The following GPHN variants were observed in gnomAD, a reference collection of about 807,000 sequenced individuals.
GPHN encodes gephyrin.
A neutral mutation model predicts 95.5 loss-of-function variants in GPHN; 17 were observed. That is an observed-to-expected ratio of 0.18 (90% CI 0.12 to 0.27). The LOEUF is 0.27. Ranked by LOEUF, GPHN falls within the 10% of genes least tolerant of loss-of-function variation. The pLI, the probability that GPHN is intolerant of heterozygous loss-of-function variation, is 1.00. For synonymous variants in GPHN, 320 were observed against 322.5 expected (o/e 0.99, Z 0.08); for missense variants, 660 against 978.1 (o/e 0.67, Z 4.34).
chr14:66,525,338 G>T (rs907960890), intron 1 of GPHN, among the ~76,000 whole-genome samples: 2 of 151,760 alleles, frequency 1.3e-5, no homozygotes. Flanking sequence ...CTTTTTGGTG[G>T]GGTTGTTTTT....
intron 4 of GPHN, among the ~76,000 whole-genome samples, chr14:66,853,264 AGTAAAGCACAT>A (rs1567021832): frequency 6.6e-6 from 1 of 152,236 alleles, no homozygotes; most frequent in Non-Finnish European, 1.5e-5. Flanking sequence ...TGTAACACTG[AGTAAAGCACAT>A]CTGCATTTTT....
chr14:67,220,169 C>T, the GPHN span, among the ~76,000 whole-genome samples: 3 of 152,192 alleles, frequency 2.0e-5, no homozygotes, highest in East Asian at 1.9e-4. Context: ...CGTGCAACGG[C>T]TCATGCCTGT....
chr14:67,645,689 C>A, the GPHN span: 5 of 1,614,048 alleles, frequency 3.1e-6, no homozygotes, highest in Non-Finnish European at 3.4e-6. Context: ...CTGCCCAGAC[C>A]TTTGTGTTGT....
intron 8 of GPHN, among the ~76,000 whole-genome samples, chr14:66,930,889 C>T (rs1203760515): frequency 6.6e-6 from 1 of 152,130 alleles, no homozygotes; most frequent in African/African-American, 2.4e-5. Context: ...ATTTATACAT[C>T]ACACTTAACA....
chr14:67,140,259 C>T (rs2080371177), intron 17 of GPHN, among the ~76,000 whole-genome samples: 2 of 152,000 alleles, frequency 1.3e-5, no homozygotes, highest in Admixed American at 1.3e-4. Context: ...TGGCAGGCAC[C>T]TGTAATCCCA....
the GPHN span, among the ~76,000 whole-genome samples, chr14:67,689,665 C>G: frequency 3.0e-4 from 46 of 152,240 alleles, 1 homozygote; most frequent in African/African-American, 1.1e-3. Flanking sequence ...AAGTAATGGC[C>G]AGGTGCGGTG....
In GPHN at chr14:66,781,624, A is replaced by G. The variant is rs189207312; in HGVS notation, c.201+5103A>G. Among the ~76,000 whole-genome samples, 60 of 152,320 alleles carry G rather than the reference A, an allele frequency of 3.9e-4. 1 individual carries two copies. Among genetic ancestry groups the G allele is most frequent in the East Asian group, 3.9e-3 (20 of 5,188 alleles). ...TTCATGTTTGCTCTCTTTGAACTTC[A>G]TATGAATTAAATCATATTGTATGCA... is the stretch of plus-strand genomic sequence containing the variant. On this transcript the variant is annotated intron_variant, in intron 3 of 22. Coordinates refer to ENST00000478722, the MANE Select transcript of GPHN (RefSeq NM_020806.5).
At chr14:66,876,424 A>G (rs1431907140) in intron 4 of GPHN, among the ~76,000 whole-genome samples, 1 of 152,012 alleles carries the variant, frequency 6.6e-6, no homozygotes, top group African/African-American at 2.4e-5. Context: ...GGAGATAGAG[A>G]CACAAAAAAC....
chr14:66,776,558 G>A (rs761772693), intron 3 of GPHN, 37 bp downstream of exon 3: 3 of 1,194,346 alleles, frequency 2.5e-6, no homozygotes, highest in Admixed American at 1.7e-5. Flanking sequence ...CAAACATTTA[G>A]CATCTTGGTG....
rs1050562069 is a variant in GPHN at position 66,828,019 on chromosome 14, G to A, written c.294+3453G>A. Among the ~76,000 whole-genome samples the A allele has an allele frequency of 3.3e-5, 5 of 151,960 alleles. No homozygotes were observed. The East Asian group carries it at 7.7e-4, about 23-fold the overall frequency. On this transcript the variant is annotated intron_variant, in intron 4 of 22. Coordinates refer to ENST00000478722, the MANE Select transcript of GPHN (RefSeq NM_020806.5). ...CAGCTACATAGTTAAAATTATATTA[G>A]AGGTTTCTTAAATGGATTTAAAATA...
At chr14:67,393,764 T>C in the GPHN span, among the ~76,000 whole-genome samples, 2 of 152,122 alleles carry the variant, frequency 1.3e-5, no homozygotes, top group Admixed American at 6.6e-5. Context: ...TGATGATGGA[T>C]GTTTGACTCC....
At chr14:66,913,903 T>TA (rs2065791833) in intron 5 of GPHN, among the ~76,000 whole-genome samples, 1 of 152,200 alleles carries the variant, frequency 6.6e-6, no homozygotes, top group Non-Finnish European at 1.5e-5. Flanking sequence ...TAAAGCATTA[T>TA]ATAGAGGAGG....
Position 67,176,950 on chromosome 14 carries a change from G to A in GPHN, c.2080-2628G>A, listed in dbSNP as rs552720915. Reference sequence around the variant, plus strand: ...CCCTTTATCATTTTTTATTGCATCTGTTTGATTCTTCTCTCTTTTCTTCTT... The same window carrying A: ...CCCTTTATCATTTTTTATTGCATCTATTTGATTCTTCTCTCTTTTCTTCTT... On this transcript the variant is annotated intron_variant, in intron 21 of 22. Coordinates refer to ENST00000478722, the MANE Select transcript of GPHN (RefSeq NM_020806.5). Among the ~76,000 whole-genome samples, 220 of 152,120 alleles carry A rather than the reference G, an allele frequency of 1.4e-3. 1 individual carries two copies. Among genetic ancestry groups the A allele is most frequent in the Admixed American group, 3.3e-3 (51 of 15,268 alleles).
At chr14:67,473,937 G>C in the GPHN span, 1 of 1,589,408 alleles carries the variant, frequency 6.3e-7, no homozygotes. This position sits in a 1 kb window ranked among gnomAD's most constrained non-coding sequence, Gnocchi z 6.5. Flanking sequence ...GCCGACTGGG[G>C]CTGGCTGCGG....
chr14:67,062,864 G>A lies in GPHN; in HGVS notation c.1144+4078G>A, dbSNP rs577593806. Reference sequence around the variant, plus strand: ...GATTGCAAAAATTTTCTCCCATTCTGTAGGTTGCCTATTCACTCTGATGGT... The same window carrying A: ...GATTGCAAAAATTTTCTCCCATTCTATAGGTTGCCTATTCACTCTGATGGT... On this transcript the variant is annotated intron_variant, in intron 11 of 22. Coordinates refer to ENST00000478722, the MANE Select transcript of GPHN (RefSeq NM_020806.5). 7.9e-5 allele frequency among the ~76,000 whole-genome samples: 12 copies of A among 152,254 alleles called. No homozygotes were observed. The South Asian group carries it at 1.9e-3, about 24-fold the overall frequency.
chr14:66,686,955 C>A lies in GPHN; in HGVS notation c.143+5770C>A, dbSNP rs569648617. On this transcript the variant is annotated intron_variant, in intron 2 of 22. Transcript: ENST00000478722. ...TACCTAATTTGTTGAGAGTTTTTAG[C>A]ATGAGGGGCAGTTGAATTTTGCCAA... is the stretch of plus-strand genomic sequence containing the variant. Among the ~76,000 whole-genome samples the A allele has an allele frequency of 2.3e-3, 347 of 152,228 alleles. 1 individual carries two copies. Among genetic ancestry groups the A allele is most frequent in the Non-Finnish European group, 3.8e-3 (257 of 68,000 alleles).
intron 16 of GPHN, among the ~76,000 whole-genome samples, chr14:67,115,708 C>T (rs982253686): frequency 1.3e-5 from 2 of 151,028 alleles, no homozygotes. Flanking sequence ...GCACTCCAGC[C>T]TGGGTGAGAG....
At chr14:66,608,988 G>A (rs1201838445) in intron 1 of GPHN, among the ~76,000 whole-genome samples, 2 of 152,176 alleles carry the variant, frequency 1.3e-5, no homozygotes, top group South Asian at 2.1e-4. Context: ...CACATTCTGG[G>A]TTGGCATTGA....
the GPHN span, among the ~76,000 whole-genome samples, chr14:67,229,939 CAGA>C: frequency 1.3e-5 from 2 of 152,144 alleles, no homozygotes; most frequent in African/African-American, 4.8e-5. Context: ...GTTCCAAAGA[CAGA>C]AGAAGTTTGT....
Sources: gnomAD v4.1 joint callset for allele counts (sites outside exome capture counted in the v4.1 genomes callset) on GRCh38, gnomAD v4.1.1 for gene constraint, Gnocchi (gnomAD v3.1) non-coding constraint, MANE v1.5 for transcripts, NCBI Gene and HGNC (gene_info 2026-07-23, HGNC 2026-07-21) for gene names.